CCDC102B: variants seen among roughly 807,000 people sequenced by gnomAD.
CCDC102B encodes the protein coiled-coil domain-containing protein 102B.
Under a neutral mutation model 57.4 loss-of-function variants are expected in CCDC102B, and 75 were observed. That is an observed-to-expected ratio of 1.31 (90% CI 1.08 to 1.58). The LOEUF is 1.58. Ranked by LOEUF, CCDC102B falls within the 40% of genes most tolerant of loss-of-function variation. The pLI is 0.00. For missense variants in CCDC102B, 636 were observed against 582.6 expected (o/e 1.09, Z -0.94); for synonymous variants, 206 against 201.9 (o/e 1.02, Z -0.17).
intron 6 of CCDC102B, among the ~76,000 whole-genome samples, chr18:68,962,460 ATAT>A (rs1268822485): frequency 2.0e-5 from 3 of 151,984 alleles, no homozygotes; most frequent in South Asian, 2.1e-4. Flanking sequence ...TACTCAAAAC[ATAT>A]TATTATTGTA....
At chr18:68,954,566 G>A (rs937783162) in intron 6 of CCDC102B, among the ~76,000 whole-genome samples, 8 of 152,166 alleles carry the variant, frequency 5.3e-5, no homozygotes, top group African/African-American at 1.9e-4. Context: ...ATAATTGAAT[G>A]GATATAAAAA....
intron 1 of CCDC102B, among the ~76,000 whole-genome samples, chr18:68,819,260 T>C (rs1018016554): frequency 1.3e-5 from 2 of 152,136 alleles, no homozygotes; most frequent in Non-Finnish European, 2.9e-5. Context: ...GAGCATTCTA[T>C]TGGGAACTGA....
intron 2 of CCDC102B, among the ~76,000 whole-genome samples, chr18:68,744,184 G>A (rs1377087222): frequency 6.6e-6 from 1 of 152,152 alleles, no homozygotes; most frequent in African/African-American, 2.4e-5. Context: ...GATATGCTCT[G>A]TTGAAATTCT....
intron 2 of CCDC102B, chr18:68,716,702 G>A (rs1030286541): frequency 1.3e-5 from 2 of 152,304 alleles, no homozygotes; most frequent in Non-Finnish European, 2.9e-5. Flanking sequence ...GGGAGGCTGA[G>A]GCAGGAGGAT....
At chr18:68,842,340 A>T (rs114331169) in intron 3 of CCDC102B, among the ~76,000 whole-genome samples, 2,304 of 152,148 alleles carry the variant, frequency 0.015, 45 homozygotes, top group African/African-American at 0.046. Flanking sequence ...TTATTTTGTT[A>T]CTTTATTAAC....
intron 1 of CCDC102B, among the ~76,000 whole-genome samples, chr18:68,825,999 A>T (rs970442582): frequency 3.3e-5 from 5 of 152,208 alleles, no homozygotes; most frequent in Non-Finnish European, 7.3e-5. Context: ...AATATATACT[A>T]ATGAAAACCT....
chr18:68,928,734 G>A (rs1348328665), intron 6 of CCDC102B, among the ~76,000 whole-genome samples: 12 of 151,948 alleles, frequency 7.9e-5, no homozygotes, highest in Non-Finnish European at 1.3e-4. Context: ...TAATCGTTAC[G>A]TTAGGTAGTA....
rs1161142158 is a variant in CCDC102B at position 68,860,469 on chromosome 18, CAAA to C, written c.936+14051_936+14053del. On this transcript the variant is annotated intron_variant, in intron 4 of 7. Transcript: ENST00000360242. ...AAGTATAATTAAAAAAAAACAAAAA[CAAA>C]AACAAAAAAAAAAAAAGACACTACA... Among the ~76,000 whole-genome samples the C allele has an allele frequency of 8.9e-4, 56 of 63,180 alleles. 1 individual carries two copies. Among genetic ancestry groups the C allele is most frequent in the African/African-American group, 2.3e-3 (52 of 22,456 alleles). The allele number at this position is 63,180 out of a possible 152,430, so 41.4% of individuals were successfully genotyped here.
chr18:68,750,761 G>A (rs2033813941), intron 2 of CCDC102B, among the ~76,000 whole-genome samples: 1 of 137,850 alleles, frequency 7.3e-6, no homozygotes, highest in Non-Finnish European at 1.5e-5. Context: ...AGAACACTTG[G>A]ACACAGGAAG....
At chr18:68,957,798 T>C (rs2049941640) in intron 6 of CCDC102B, among the ~76,000 whole-genome samples, 2 of 152,160 alleles carry the variant, frequency 1.3e-5, no homozygotes, top group Non-Finnish European at 2.9e-5. Flanking sequence ...ATCAGTGTTT[T>C]ACAATTTTCA....
upstream of CCDC102B, among the ~76,000 whole-genome samples, chr18:68,797,035 T>C (rs1190846505): frequency 2.0e-5 from 3 of 152,004 alleles, no homozygotes; most frequent in Non-Finnish European, 4.4e-5. Flanking sequence ...GACTAGAGAA[T>C]GTATGGTATT....
intron 6 of CCDC102B, among the ~76,000 whole-genome samples, chr18:68,991,771 A>G (rs944169775): frequency 1.3e-5 from 2 of 152,234 alleles, no homozygotes; most frequent in African/African-American, 4.8e-5. Flanking sequence ...TATATAGTAG[A>G]TGAAAATGTA....
chr18:68,802,184 G>T (rs2035879344), intron 1 of CCDC102B, among the ~76,000 whole-genome samples: 1 of 152,056 alleles, frequency 6.6e-6, no homozygotes, highest in Non-Finnish European at 1.5e-5. Flanking sequence ...ATTGTCTGAG[G>T]GTTCAGGTGA....
chr18:69,011,357 T>C (rs11874369), intron 7 of CCDC102B: 36,209 of 391,072 alleles, frequency 0.093, 3,986 homozygotes, highest in African/African-American at 0.4. Flanking sequence ...TGTGTGCACG[T>C]GCGCATGTGT....
intron 7 of CCDC102B, among the ~76,000 whole-genome samples, chr18:69,037,061 A>G (rs886450719): frequency 2.0e-5 from 3 of 152,150 alleles, no homozygotes; most frequent in African/African-American, 7.2e-5. Flanking sequence ...ACATACATAC[A>G]TATATACACG....
chr18:68,972,862 A>T (rs888666718), intron 6 of CCDC102B, among the ~76,000 whole-genome samples: 1 of 152,118 alleles, frequency 6.6e-6, no homozygotes, highest in Non-Finnish European at 1.5e-5. Flanking sequence ...AAAATGTTTT[A>T]TCTTTGTTTA....
chr18:68,947,017 G>T (rs2049559511), intron 6 of CCDC102B, among the ~76,000 whole-genome samples: 1 of 151,852 alleles, frequency 6.6e-6, no homozygotes, highest in Non-Finnish European at 1.5e-5. Context: ...CATATGATTT[G>T]TTTCACAGGA....
At chr18:68,950,284 C>CA (rs374278450) in intron 6 of CCDC102B, among the ~76,000 whole-genome samples, 270 of 152,114 alleles carry the variant, frequency 1.8e-3, no homozygotes, top group African/African-American at 5.9e-3. Flanking sequence ...TATGTGTAGA[C>CA]AGTAGTATAT....
At chr18:68,855,286 A>G (rs1165258279) in intron 4 of CCDC102B, among the ~76,000 whole-genome samples, 1 of 152,130 alleles carries the variant, frequency 6.6e-6, no homozygotes, top group Non-Finnish European at 1.5e-5. Context: ...GACTCTTCCT[A>G]AGATAGGGGT....
Sources: gnomAD v4.1 joint callset for allele counts (sites outside exome capture counted in the v4.1 genomes callset) on GRCh38, gnomAD v4.1.1 for gene constraint, MANE v1.5 for transcripts, NCBI Gene and HGNC (gene_info 2026-07-23, HGNC 2026-07-21) for gene names.